PCDHGA12: variants seen among roughly 807,000 people sequenced by gnomAD.
The protein encoded by PCDHGA12 is protocadherin gamma subfamily A, 12.
Under a neutral mutation model 61.1 loss-of-function variants are expected in PCDHGA12, and 43 were observed. The observed-to-expected ratio is 0.70, with a 90% CI of 0.55 to 0.91. The LOEUF (loss-of-function observed/expected upper bound fraction) is 0.91. Among genes scored for constraint, PCDHGA12 ranks in the 40% least tolerant of loss-of-function variants. PCDHGA12 has a pLI of 0.00. For synonymous variants in PCDHGA12, 520 were observed against 542.9 expected, an observed-to-expected ratio of 0.96 and a Z score of 0.59; for missense variants, 1,236 against 1,227.7, an observed-to-expected ratio of 1.01 and a Z score of -0.10.
chr5:141,431,709 T>A lies in PCDHGA12; in HGVS notation c.950T>A (p.Met317Lys). 6.2e-7 allele frequency: 1 copy of A among 1,614,168 alleles called. No individual in the cohort carries two copies. Among genetic ancestry groups the A allele is most frequent in the Non-Finnish European group, 8.5e-7 (1 of 1,180,018 alleles). ...CACGAGGAGTCAGGATTCTACCAGA[T>A]GGAAGTGCAAGCAATGGATAATGCA... ...LDHEESGFYQ[M>K]EVQAMDNAGY... The change falls in exon 1 of 4, where the codon ATG becomes AAG. Residue 317 changes from methionine to lysine, a missense_variant. By Grantham distance (95) the Met-to-Lys change is moderately conservative. Coordinates refer to ENST00000252085, the MANE Select transcript of PCDHGA12 (RefSeq NM_003735.3). This position sits in a 1 kb window ranked among gnomAD's most constrained non-coding sequence, Gnocchi z 4.8.
rs1032445242 is a variant in PCDHGA12 at position 141,487,571 on chromosome 5, G to C, written c.2425-7236G>C. The C allele has an allele frequency of 6.2e-7, 1 of 1,614,060 alleles. No homozygotes were observed. The highest frequency in any genetic ancestry group is 8.5e-7 in the Non-Finnish European group (1 of 1,180,046). ...CAGTGCACCTATGGCAGGGGAGCCTGTTCGCCCAAGCTGCCCACCCTCTGA... is the reference window on the plus strand; with the variant it reads ...CAGTGCACCTATGGCAGGGGAGCCTCTTCGCCCAAGCTGCCCACCCTCTGA... On this transcript the variant is annotated intron_variant, in intron 1 of 3. Transcript: ENST00000252085. This position sits in a 1 kb window ranked among gnomAD's most constrained non-coding sequence, Gnocchi z 5.0.
intron 1 of PCDHGA12, 176 bp downstream of exon 1, chr5:141,433,359 CT>C: frequency 8.7e-6 from 2 of 228,708 alleles, no homozygotes; most frequent in Non-Finnish European, 1.6e-5. Context: ...TACTGTCTGC[CT>C]ATCTATCTAT....
chr5:141,496,737 C>T (rs900394639), intron 2 of PCDHGA12, among the ~76,000 whole-genome samples: 9 of 152,168 alleles, frequency 5.9e-5, no homozygotes, highest in African/African-American at 2.2e-4. Context: ...TTCATTCGTT[C>T]ATTTATTCAA....
chr5:141,446,936 C>G (rs935365668), intron 1 of PCDHGA12, among the ~76,000 whole-genome samples: 3 of 152,176 alleles, frequency 2.0e-5, no homozygotes, highest in African/African-American at 7.2e-5. Context: ...CTCTTTTTCA[C>G]TGTAAGAAAC....
At position 141,485,314 on chromosome 5, in the gene PCDHGA12, T is replaced by A. The variant is rs1292296791; in HGVS notation, c.2425-9493T>A. The A allele has an allele frequency of 1.2e-6, 2 of 1,614,150 alleles. No homozygotes were observed. The highest frequency in any genetic ancestry group is 1.7e-6 in the Non-Finnish European group (2 of 1,180,032). ...CACAGGAAGGGACTTTTGTAGGGAA[T>A]GTCGCTCAAGATTTCCTGCTGGATA... On this transcript the variant is annotated intron_variant, in intron 1 of 3. Coordinates refer to ENST00000252085, the MANE Select transcript of PCDHGA12 (RefSeq NM_003735.3). This position sits in a 1 kb window ranked among gnomAD's most constrained non-coding sequence, Gnocchi z 5.7.
chr5:141,455,632 TG>T (rs1394377963), intron 1 of PCDHGA12, among the ~76,000 whole-genome samples: 1 of 151,924 alleles, frequency 6.6e-6, no homozygotes, highest in African/African-American at 2.4e-5. Flanking sequence ...TGGAGATATG[TG>T]GGGGGCAGCC....
intron 1 of PCDHGA12, chr5:141,441,824 G>A (rs1561905347): frequency 5.6e-6 from 2 of 356,750 alleles, no homozygotes; most frequent in South Asian, 4.7e-5. Flanking sequence ...GCTCTGGAGC[G>A]CAATGGCTTC....
At chr5:141,478,051 G>A (rs751371411) in intron 1 of PCDHGA12, 2 of 1,614,088 alleles carry the variant, frequency 1.2e-6, no homozygotes, top group East Asian at 2.2e-5. Context: ...AGACTCTCAC[G>A]GTCTTGATCA....
At chr5:141,463,583 G>A (rs1444995569) in intron 1 of PCDHGA12, among the ~76,000 whole-genome samples, 1 of 151,598 alleles carries the variant, frequency 6.6e-6, no homozygotes, top group African/African-American at 2.4e-5. Flanking sequence ...CGAGTAGCTG[G>A]GACTACAGGT....
chr5:141,485,734 C>T lies in PCDHGA12; in HGVS notation c.2425-9073C>T. ...CACTGGATGTGAAGAAGCGCAGCGACGGCAGCCTGGTCCCAGAGCTGCTCC... is the reference window on the plus strand; with the variant it reads ...CACTGGATGTGAAGAAGCGCAGCGATGGCAGCCTGGTCCCAGAGCTGCTCC... On this transcript the variant is annotated intron_variant, in intron 1 of 3. Transcript: ENST00000252085. This position sits in a 1 kb window ranked among gnomAD's most constrained non-coding sequence, Gnocchi z 5.7. The T allele has an allele frequency of 6.2e-7, 1 of 1,614,210 alleles. No individual in the cohort carries two copies. The highest frequency in any genetic ancestry group is 8.5e-7 in the Non-Finnish European group (1 of 1,180,028).
In PCDHGA12 at chr5:141,491,149, G is replaced by T; in HGVS notation, c.2425-3658G>T. 6.8e-6 allele frequency: 11 copies of T among 1,614,152 alleles called. No homozygotes were observed. The highest frequency in any genetic ancestry group is 9.3e-6 in the Non-Finnish European group (11 of 1,180,010). On this transcript the variant is annotated intron_variant, in intron 1 of 3. Transcript: ENST00000252085. This position sits in a 1 kb window ranked among gnomAD's most constrained non-coding sequence, Gnocchi z 6.9. ...GCGCACAGCCCGGGCCTTACTGGAGGATGACTCTGACACCCAGCAGGTGGT... is the reference window on the plus strand; with the variant it reads ...GCGCACAGCCCGGGCCTTACTGGAGTATGACTCTGACACCCAGCAGGTGGT...
rs1686238986 is a variant in PCDHGA12 at position 141,431,536 on chromosome 5, G to A, written c.777G>A (p.Thr259=). The A allele has an allele frequency of 6.2e-7, 1 of 1,614,070 alleles. No homozygotes were observed. Among genetic ancestry groups the A allele is most frequent in the African/African-American group, 1.3e-5 (1 of 75,064 alleles). Residue 259 remains threonine (T), a synonymous_variant, in exon 1 of 4, where the codon ACG becomes ACA. Transcript: ENST00000252085. The surrounding 1 kb of genome is among the most constrained non-coding windows in gnomAD (Gnocchi z 4.8). ...TTCCGGAGAATCTGGCCTTGGGCAC[G>A]CAGCTGCTTGTAGTCAACGCTACCG... is the stretch of plus-strand genomic sequence containing the variant. ...ASVPENLALG[T]QLLVVNATDP...
intron 1 of PCDHGA12, among the ~76,000 whole-genome samples, chr5:141,469,317 C>T (rs1354878667): frequency 6.6e-6 from 1 of 152,092 alleles, no homozygotes; most frequent in Non-Finnish European, 1.5e-5. Flanking sequence ...TGGCTCACGC[C>T]TGTAATCCCA....
chr5:141,440,330 G>A (rs1377511406), intron 1 of PCDHGA12: 1 of 152,162 alleles, frequency 6.6e-6, no homozygotes, highest in Non-Finnish European at 1.5e-5. Context: ...ACTGGGCATG[G>A]TGGTGCAGGC....
chr5:141,464,843 A>G lies in PCDHGA12; in HGVS notation c.2425-29964A>G, dbSNP rs183890796. On this transcript the variant is annotated intron_variant, in intron 1 of 3. Coordinates refer to ENST00000252085, the MANE Select transcript of PCDHGA12 (RefSeq NM_003735.3). Reference sequence around the variant, plus strand: ...AGCCTCGCACTCCTGGGCTCAAGCAATCCTCCTACCTTAGCCTCCCAAGTA... The same window carrying G: ...AGCCTCGCACTCCTGGGCTCAAGCAGTCCTCCTACCTTAGCCTCCCAAGTA... 1.5e-3 allele frequency among the ~76,000 whole-genome samples: 231 copies of G among 152,234 alleles called. 1 individual carries two copies. Among genetic ancestry groups the G allele is most frequent in the Non-Finnish European group, 2.3e-3 (159 of 68,018 alleles).
chr5:141,492,111 C>T (rs2154587044), intron 1 of PCDHGA12, among the ~76,000 whole-genome samples: 1 of 152,320 alleles, frequency 6.6e-6, no homozygotes, highest in South Asian at 2.1e-4. Context: ...ATTTCCTCTT[C>T]GATTTCTCCC....
intron 2 of PCDHGA12, among the ~76,000 whole-genome samples, chr5:141,504,948 T>C (rs1044527570): frequency 2.0e-5 from 3 of 152,080 alleles, no homozygotes; most frequent in Admixed American, 1.3e-4. Flanking sequence ...GAATGCACTA[T>C]GTTCAATGCA....
intron 1 of PCDHGA12, among the ~76,000 whole-genome samples, chr5:141,473,366 A>T (rs1292258135): frequency 1.3e-5 from 2 of 152,202 alleles, no homozygotes; most frequent in Non-Finnish European, 2.9e-5. Context: ...GGCCACCAAA[A>T]TAGCATGGTC....
At chr5:141,484,989 T>C (rs1295192640) in intron 1 of PCDHGA12, 4 of 604,024 alleles carry the variant, frequency 6.6e-6, no homozygotes, top group Non-Finnish European at 1.2e-5. Context: ...AATCGGGTGG[T>C]GAAAGGCAGA....
Sources: allele counts gnomAD v4.1 joint callset (sites outside exome capture counted in the v4.1 genomes callset), GRCh38; gene constraint gnomAD v4.1.1; non-coding constraint Gnocchi (gnomAD v3.1); transcripts MANE v1.5; gene names NCBI Gene and HGNC (gene_info 2026-07-23, HGNC 2026-07-21).